Variants in NRG3 observed in about 807,000 individuals in gnomAD.
The protein encoded by NRG3 is pro-neuregulin-3, membrane-bound isoform.
A neutral mutation model predicts 66.9 loss-of-function variants in NRG3; 31 were observed. That is an observed-to-expected ratio of 0.46 (90% CI 0.35 to 0.63). The LOEUF is 0.63. Among genes scored for constraint, NRG3 ranks in the 20% least tolerant of loss-of-function variants. NRG3 has a pLI of 0.00. For synonymous variants in NRG3, 393 were observed against 359.4 expected (o/e 1.09, Z -1.06); for missense variants, 910 against 878.9 (o/e 1.04, Z -0.45).
At chr10:82,095,487 C>T (rs1338765761) in intron 1 of NRG3, among the ~76,000 whole-genome samples, 2 of 152,136 alleles carry the variant, frequency 1.3e-5, no homozygotes, top group Non-Finnish European at 2.9e-5. Flanking sequence ...TACATTTCAA[C>T]AATTGCTGAT....
chr10:81,990,383 A>C lies in NRG3; in HGVS notation c.823+114220A>C, dbSNP rs372636420. The stretch of plus-strand genomic sequence containing the variant: ...CTCCAAGGGAATATTTTTATGGTTC[A>C]TTTATGAAGTCATCTGTATTTTATG... On this transcript the variant is annotated intron_variant, in intron 1 of 8. Transcript: ENST00000372141. 8.1e-4 allele frequency among the ~76,000 whole-genome samples: 124 copies of C among 152,260 alleles called. No individual in the cohort carries two copies. The Middle Eastern group carries it at 0.01, about 13-fold the overall frequency.
At chr10:82,163,383 A>C (rs2071758443) in intron 1 of NRG3, among the ~76,000 whole-genome samples, 1 of 152,140 alleles carries the variant, frequency 6.6e-6, no homozygotes, top group African/African-American at 2.4e-5. Context: ...AATATTTATC[A>C]GTCATATAAA....
At chr10:81,886,193 CT>C (rs1842601010) in intron 1 of NRG3, among the ~76,000 whole-genome samples, 1 of 152,082 alleles carries the variant, frequency 6.6e-6, no homozygotes, top group Non-Finnish European at 1.5e-5. Flanking sequence ...AAAACAAAAA[CT>C]TCTGACAAAT....
intron 2 of NRG3, among the ~76,000 whole-genome samples, chr10:82,665,152 C>A (rs1380942867): frequency 2.0e-5 from 3 of 152,152 alleles, no homozygotes; most frequent in African/African-American, 7.2e-5. Context: ...AACCTGATTG[C>A]ACCTTGTTGA....
At chr10:82,459,863 G>A (rs1590205722) in intron 2 of NRG3, among the ~76,000 whole-genome samples, 1 of 152,106 alleles carries the variant, frequency 6.6e-6, no homozygotes. Context: ...TATTTTTCAA[G>A]AAAAAAGATA....
At chr10:82,777,153 G>A (rs1000973822) in intron 3 of NRG3, among the ~76,000 whole-genome samples, 1 of 152,150 alleles carries the variant, frequency 6.6e-6, no homozygotes, top group African/African-American at 2.4e-5. Flanking sequence ...GAGTGCAGTG[G>A]TGTAGCCTTT....
chr10:82,283,909 T>G (rs1249887198), intron 1 of NRG3, among the ~76,000 whole-genome samples: 1 of 152,234 alleles, frequency 6.6e-6, no homozygotes, highest in African/African-American at 2.4e-5. Flanking sequence ...AGTGCATAAA[T>G]GAAGCTTTGA....
chr10:82,262,724 G>A (rs1589511942), intron 1 of NRG3, among the ~76,000 whole-genome samples: 1 of 152,186 alleles, frequency 6.6e-6, no homozygotes, highest in Non-Finnish European at 1.5e-5. Context: ...AGTGACACTA[G>A]GATGGAGTAC....
chr10:82,982,853 T>A, intron 8 of NRG3, among the ~76,000 whole-genome samples: 1 of 152,232 alleles, frequency 6.6e-6, no homozygotes, highest in Non-Finnish European at 1.5e-5. Flanking sequence ...ATTTCAGTTG[T>A]TACCAGTCAT....
At chr10:82,197,982 A>G (rs1030569987) in intron 1 of NRG3, among the ~76,000 whole-genome samples, 1 of 152,224 alleles carries the variant, frequency 6.6e-6, no homozygotes, top group African/African-American at 2.4e-5. Flanking sequence ...AGTCTTATCA[A>G]AAAAGAGAAC....
intron 1 of NRG3, among the ~76,000 whole-genome samples, chr10:82,059,083 G>C (rs529146482): frequency 1.1e-4 from 16 of 152,288 alleles, no homozygotes; most frequent in South Asian, 1.0e-3. Context: ...TATACATTGT[G>C]ATGTGCAAAT....
intron 2 of NRG3, among the ~76,000 whole-genome samples, chr10:82,453,699 C>G (rs78421250): frequency 6.6e-6 from 1 of 151,156 alleles, no homozygotes; most frequent in Non-Finnish European, 1.5e-5. Context: ...AAAAAAAAAC[C>G]TAGTTTGAAC....
At chr10:82,030,897 G>C (rs1001758167) in intron 1 of NRG3, among the ~76,000 whole-genome samples, 16 of 152,080 alleles carry the variant, frequency 1.1e-4, no homozygotes, top group African/African-American at 2.9e-4. Context: ...GAAGCAAGGA[G>C]ATTACCTGAT....
chr10:82,824,636 T>G (rs537071676), intron 3 of NRG3, among the ~76,000 whole-genome samples: 1 of 152,312 alleles, frequency 6.6e-6, no homozygotes, highest in Admixed American at 6.5e-5. Context: ...ATTGAGCATC[T>G]TCTTATGTGC....
chr10:82,953,890 G>A (rs753480156), intron 5 of NRG3, among the ~76,000 whole-genome samples: 80 of 151,646 alleles, frequency 5.3e-4, no homozygotes, highest in Middle Eastern at 3.4e-3. Flanking sequence ...CCTGGGAGGT[G>A]GAGGTTGCAG....
chr10:82,213,302 A>G (rs1353156214), intron 1 of NRG3, among the ~76,000 whole-genome samples: 1 of 152,230 alleles, frequency 6.6e-6, no homozygotes, highest in African/African-American at 2.4e-5. Context: ...TTTCAAAACT[A>G]TAAACTTTTT....
At chr10:82,537,477 A>T (rs2043240238) in intron 2 of NRG3, among the ~76,000 whole-genome samples, 1 of 152,128 alleles carries the variant, frequency 6.6e-6, no homozygotes, top group Admixed American at 6.6e-5. Context: ...CATCCATCTT[A>T]GTAACTGGCC....
intron 1 of NRG3, among the ~76,000 whole-genome samples, chr10:82,329,131 T>C (rs1435101421): frequency 6.6e-6 from 1 of 152,242 alleles, no homozygotes; most frequent in African/African-American, 2.4e-5. Flanking sequence ...GAAGAAAATA[T>C]TAACTCTTTC....
Position 81,875,550 on chromosome 10 carries a change from ACCTCTGTT to A in NRG3, c.212_219del (p.Pro71HisfsTer82), listed in dbSNP as rs1841541281. 6.2e-7 allele frequency: 1 copy of A among 1,612,862 alleles called. No individual in the cohort carries two copies. Among genetic ancestry groups the A allele is most frequent in the African/African-American group, 1.3e-5 (1 of 74,838 alleles). ...GGCAGCAGACGTGGCTGTGCGTGGT[ACCTCTGTT>A]CATCGGCTTCATCGGCCTGGGGCTC... On this transcript the variant is annotated frameshift_variant, in exon 1 of 9. Transcript: ENST00000372141. LOFTEE classifies it high-confidence loss of function. The surrounding 1 kb of genome is among the most constrained non-coding windows in gnomAD (Gnocchi z 5.3).
Sources: allele counts gnomAD v4.1 joint callset (sites outside exome capture counted in the v4.1 genomes callset), GRCh38; gene constraint gnomAD v4.1.1; non-coding constraint Gnocchi (gnomAD v3.1); transcripts MANE v1.5; gene names NCBI Gene and HGNC (gene_info 2026-07-23, HGNC 2026-07-21).